Variants in CDH13 observed in about 807,000 individuals in gnomAD.
CDH13 encodes cadherin-13.
CDH13 carries 24 observed loss-of-function variants against 63.8 expected under a neutral mutation model. The observed-to-expected ratio is 0.38, with a 90% CI of 0.27 to 0.53. CDH13 has a LOEUF of 0.53. Among genes scored for constraint, CDH13 ranks in the 20% least tolerant of loss-of-function variants. CDH13 has a pLI of 0.85. For missense variants in CDH13, 1,049 were observed against 903.1 expected, an observed-to-expected ratio of 1.16 and a Z score of -2.07; for synonymous variants, 503 against 355.3, an observed-to-expected ratio of 1.42 and a Z score of -4.67.
At chr16:83,697,016 T>C (rs751903334) in intron 10 of CDH13, among the ~76,000 whole-genome samples, 5 of 152,204 alleles carry the variant, frequency 3.3e-5, no homozygotes, top group African/African-American at 9.7e-5. Flanking sequence ...CACACGGCCT[T>C]TCTTCCTCAA....
intron 1 of CDH13, among the ~76,000 whole-genome samples, chr16:82,747,096 A>C (rs943233358): frequency 1.3e-5 from 2 of 152,192 alleles, no homozygotes; most frequent in African/African-American, 4.8e-5. Context: ...TTCTCAATAC[A>C]ATGAGTTTTA....
intron 2 of CDH13, among the ~76,000 whole-genome samples, chr16:82,883,549 C>A (rs1312083776): frequency 1.3e-5 from 2 of 152,190 alleles, no homozygotes; most frequent in Admixed American, 6.5e-5. Context: ...ACTGAAATAG[C>A]AAACCCATGC....
intron 7 of CDH13, among the ~76,000 whole-genome samples, chr16:83,549,995 G>C (rs1374459697): frequency 6.6e-6 from 1 of 152,232 alleles, no homozygotes; most frequent in Non-Finnish European, 1.5e-5. Flanking sequence ...GACAGGGTTT[G>C]CCAAACTTGG....
chr16:83,171,239 G>T (rs1182418456), intron 4 of CDH13, among the ~76,000 whole-genome samples: 1 of 151,990 alleles, frequency 6.6e-6, no homozygotes, highest in Non-Finnish European at 1.5e-5. Flanking sequence ...GCGGAAACAG[G>T]GCAAGAGAAT....
At chr16:83,173,444 G>A (rs1007456909) in intron 4 of CDH13, among the ~76,000 whole-genome samples, 4 of 152,016 alleles carry the variant, frequency 2.6e-5, no homozygotes, top group South Asian at 2.1e-4. Flanking sequence ...ATAGTTAACC[G>A]TGGGTCTCTT....
At chr16:83,739,167 A>G (rs1474285915) in intron 10 of CDH13, among the ~76,000 whole-genome samples, 3 of 152,286 alleles carry the variant, frequency 2.0e-5, no homozygotes, top group East Asian at 3.9e-4. Flanking sequence ...GCTTGCGCGA[A>G]CAAATGTGGT....
At chr16:83,248,483 G>A (rs1419228874) in intron 5 of CDH13, among the ~76,000 whole-genome samples, 1 of 152,036 alleles carries the variant, frequency 6.6e-6, no homozygotes, top group African/African-American at 2.4e-5. Flanking sequence ...TACTTCCCAG[G>A]GTTAGTAACT....
intron 4 of CDH13, among the ~76,000 whole-genome samples, chr16:83,156,704 C>A (rs980383770): frequency 6.6e-6 from 1 of 152,194 alleles, no homozygotes; most frequent in Non-Finnish European, 1.5e-5. Context: ...TGAAACCAGG[C>A]TTTGACAGCA....
At chr16:82,890,851 C>T (rs534510121) in intron 2 of CDH13, among the ~76,000 whole-genome samples, 15 of 151,908 alleles carry the variant, frequency 9.9e-5, no homozygotes, top group African/African-American at 3.4e-4. Flanking sequence ...AGCATTTTAC[C>T]GTGTTGGCCA....
chr16:82,997,868 A>T (rs1206604971), intron 2 of CDH13, among the ~76,000 whole-genome samples: 1 of 152,256 alleles, frequency 6.6e-6, no homozygotes, highest in Non-Finnish European at 1.5e-5. Context: ...TGCAGCTCTT[A>T]TCAGGCCAAC....
At chr16:83,153,177 C>T (rs990255625) in intron 4 of CDH13, among the ~76,000 whole-genome samples, 5 of 152,010 alleles carry the variant, frequency 3.3e-5, no homozygotes, top group African/African-American at 7.2e-5. Context: ...TTTTTAAAGA[C>T]AATTTGGTGG....
At chr16:82,873,849 T>G (rs1473380266) in intron 2 of CDH13, among the ~76,000 whole-genome samples, 2 of 152,168 alleles carry the variant, frequency 1.3e-5, no homozygotes, top group East Asian at 3.9e-4. Context: ...GAGAGCATAT[T>G]TTCTTCCTAC....
rs765115938 is a variant in CDH13, at chr16:83,548,073, C to T, written c.961-54381C>T. ...CTGGAATTATCACCTGGGCTGCTTG[C>T]TGCCAGATAGATTGGAGCAGGAAGG... On this transcript the variant is annotated intron_variant, in intron 7 of 13. Transcript: ENST00000567109. Among the ~76,000 whole-genome samples, 2 of 149,802 alleles carry T rather than the reference C, an allele frequency of 1.3e-5. 1 individual carries two copies. Among genetic ancestry groups the T allele is most frequent in the African/African-American group, 4.9e-5 (2 of 40,432 alleles).
intron 6 of CDH13, among the ~76,000 whole-genome samples, chr16:83,449,858 G>T (rs1392258429): frequency 6.6e-6 from 1 of 152,164 alleles, no homozygotes; most frequent in Non-Finnish European, 1.5e-5. Context: ...GGGAGAGGGA[G>T]CTCAGACCAC....
At chr16:83,388,526 T>A (rs2091723114) in intron 6 of CDH13, among the ~76,000 whole-genome samples, 1 of 152,146 alleles carries the variant, frequency 6.6e-6, no homozygotes, top group East Asian at 1.9e-4. Flanking sequence ...GGTGGCACCA[T>A]GGGCAGGAGC....
rs557198844 is a variant in CDH13 at position 83,741,105 on chromosome 16, A to T, written c.1539-7003A>T. Among the ~76,000 whole-genome samples the T allele has an allele frequency of 2.6e-5, 4 of 152,198 alleles. 1 individual carries two copies. The highest frequency in any genetic ancestry group is 6.5e-5 in the Admixed American group (1 of 15,280). On this transcript the variant is annotated intron_variant, in intron 10 of 13. Transcript: ENST00000567109. Reference sequence around the variant, plus strand: ...GTACCCTGGACTGTGATGGGCTGTGACTGTCTAACTAATCTAGGATTCTGG... The same window carrying T: ...GTACCCTGGACTGTGATGGGCTGTGTCTGTCTAACTAATCTAGGATTCTGG...
At chr16:82,956,955 C>G (rs1172321979) in intron 2 of CDH13, among the ~76,000 whole-genome samples, 2 of 152,166 alleles carry the variant, frequency 1.3e-5, no homozygotes, top group Admixed American at 1.3e-4. Context: ...CACTGTGTCA[C>G]TTAGAGACAA....
intron 2 of CDH13, among the ~76,000 whole-genome samples, chr16:82,991,818 G>C (rs1030630881): frequency 1.3e-5 from 2 of 150,652 alleles, no homozygotes; most frequent in African/African-American, 5.0e-5. Context: ...CATAGTTGAG[G>C]AAGAGGGAAG....
chr16:83,260,097 T>TACACAC (rs61647390), intron 5 of CDH13, among the ~76,000 whole-genome samples: 20,058 of 126,344 alleles, frequency 0.16, 2,162 homozygotes, highest in Non-Finnish European at 0.21. Flanking sequence ...GTACCCCCAA[T>TACACAC]ACACACACAC....
Sources: gnomAD v4.1 joint callset for allele counts (sites outside exome capture counted in the v4.1 genomes callset) on GRCh38, gnomAD v4.1.1 for gene constraint, MANE v1.5 for transcripts, NCBI Gene and HGNC (gene_info 2026-07-23, HGNC 2026-07-21) for gene names.